TAF10: variants seen among roughly 807,000 people sequenced by gnomAD.
TAF10 encodes the protein TATA-box binding protein associated factor 10, also known as transcription initiation factor TFIID subunit 10.
In TAF10, 2 loss-of-function variants were observed where a neutral mutation model predicts 18.1. The ratio of observed to expected loss-of-function variants is 0.11; its 90% CI spans 0.05 to 0.35. The LOEUF (loss-of-function observed/expected upper bound fraction) is 0.35, where lower values mean the gene tolerates loss of function less well. TAF10 is among the 10% of genes least tolerant of loss of function. The pLI, the probability that TAF10 is intolerant of heterozygous loss-of-function variation, is 1.00. For synonymous variants in TAF10, 158 were observed against 134.6 expected, an observed-to-expected ratio of 1.17 and a Z score of -1.20; for missense variants, 293 against 306.9, an observed-to-expected ratio of 0.95 and a Z score of 0.34.
chr11:6,611,134 T>G (rs1378342140), intron 4 of TAF10, 55 bp downstream of exon 4: 1 of 1,595,880 alleles, frequency 6.3e-7, no homozygotes, highest in African/African-American at 1.3e-5. Context: ...GGTGGCAGGA[T>G]AAGCCTCCAC....
In TAF10 at chr11:6,610,649, G is replaced by A; in HGVS notation, c.*273C>T. Reference sequence around the variant, plus strand: ...CTTGCCTGAACTCCAGAGGTGTCGGGACATGGTTGGGGGAATGCACCTCCC... The same window carrying A: ...CTTGCCTGAACTCCAGAGGTGTCGGAACATGGTTGGGGGAATGCACCTCCC... On this transcript the variant is annotated 3_prime_UTR_variant, in exon 5 of 5. Coordinates refer to ENST00000299424, the MANE Select transcript of TAF10 (RefSeq NM_006284.4). 6.2e-7 allele frequency: 1 copy of A among 1,613,530 alleles called. No homozygotes were observed. Among genetic ancestry groups the A allele is most frequent in the African/African-American group, 1.3e-5 (1 of 75,046 alleles).
chr11:6,609,791 A>G lies in TAF10; in HGVS notation c.*1131T>C, dbSNP rs758354683. ...ACATGGCAAGGGGCATGGCCTTCCTACACACACTAGAGCCCCTCATCCCAC... is the reference window on the plus strand; with the variant it reads ...ACATGGCAAGGGGCATGGCCTTCCTGCACACACTAGAGCCCCTCATCCCAC... On this transcript the variant is annotated 3_prime_UTR_variant, in exon 5 of 5. Coordinates refer to ENST00000299424, the MANE Select transcript of TAF10 (RefSeq NM_006284.4). The G allele has an allele frequency of 1.4e-5, 23 of 1,613,998 alleles. 2 individuals are homozygous for G. In the South Asian group the frequency reaches 2.4e-4, roughly 17 times the overall value.
chr11:6,608,781 C>T lies in TAF10; in HGVS notation c.*2141G>A, dbSNP rs753415741. The T allele has an allele frequency of 3.7e-6, 6 of 1,613,636 alleles. No individual in the cohort carries two copies. Among genetic ancestry groups the T allele is most frequent in the East Asian group, 4.5e-5 (2 of 44,890 alleles). On this transcript the variant is annotated 3_prime_UTR_variant, in exon 5 of 5. Transcript: ENST00000299424. The surrounding 1 kb of genome is among the most constrained non-coding windows in gnomAD (Gnocchi z 4.9). ...CAAAGCCAAGGCACCCCTGAGAGAG[C>T]TTCTCCGAGGTCCATCTCCCCATCC...
chr11:6,611,428 A>G lies in TAF10; in HGVS notation c.412T>C (p.Tyr138His). ...GCCTCAAAGCCAGCACGGTTCAGGT[A>G]GTAACCAGTCACTGCATCTGGGATC... ...PTIPDAVTGY[Y>H]LNRAGFEASD... Residue 138 changes from tyrosine to histidine, a missense_variant, in exon 3 of 5, where the codon TAC (tyrosine) becomes CAC (histidine). Tyr to His is a moderately conservative substitution (Grantham distance 83). Coordinates refer to ENST00000299424, the MANE Select transcript of TAF10 (RefSeq NM_006284.4). 1 of 1,614,226 alleles carries G rather than the reference A, an allele frequency of 6.2e-7. No individual in the cohort carries two copies. The highest frequency in any genetic ancestry group is 8.5e-7 in the Non-Finnish European group (1 of 1,180,038).
chr11:6,608,412 G>A lies in TAF10; in HGVS notation c.*2510C>T, dbSNP rs755641968. ...GGTCCAGCTATTGCAGTACAAGGCA[G>A]ACATCAATGCAGTGAATGAACACGG... On this transcript the variant is annotated 3_prime_UTR_variant, in exon 5 of 5. Transcript: ENST00000299424. The surrounding 1 kb of genome is among the most constrained non-coding windows in gnomAD (Gnocchi z 4.9). The A allele has an allele frequency of 1.2e-6, 2 of 1,614,156 alleles. No homozygotes were observed. The highest frequency in any genetic ancestry group is 1.7e-6 in the Non-Finnish European group (2 of 1,179,970).
chr11:6,610,883 G>C lies in TAF10; in HGVS notation c.*39C>G, dbSNP rs753093391. On this transcript the variant is annotated 3_prime_UTR_variant, in exon 5 of 5. Coordinates refer to ENST00000299424, the MANE Select transcript of TAF10 (RefSeq NM_006284.4). ...TTTATTATGAAAACAGGCTGGTGTG[G>C]GGACATGGGGACAGATAAGTACATT... is the stretch of plus-strand genomic sequence containing the variant. The C allele has an allele frequency of 1.2e-6, 2 of 1,603,290 alleles. No homozygotes were observed. Among genetic ancestry groups the C allele is most frequent in the South Asian group, 2.2e-5 (2 of 90,808 alleles).
Position 6,611,407 on chromosome 11 carries a change from C to T in TAF10, c.433G>A (p.Glu145Lys). 1 of 1,614,160 alleles carries T rather than the reference C, an allele frequency of 6.2e-7. No homozygotes were observed. The highest frequency in any genetic ancestry group is 8.5e-7 in the Non-Finnish European group (1 of 1,180,032). ...ACTCACATGCGTGGGTCTGAGGCCT[C>T]AAAGCCAGCACGGTTCAGGTAGTAA... Reference protein sequence around the residue: ...TGYYLNRAGFEASDPRIIRLI... With the variant: ...TGYYLNRAGFKASDPRIIRLI... Residue 145 changes from glutamate (E) to lysine (K), a missense_variant, in exon 3 of 5, where the codon GAG (glutamate) becomes AAG (lysine). Physicochemically the swap from Glu to Lys is moderately conservative, Grantham distance 56. Transcript: ENST00000299424.
chr11:6,608,161 A>T lies in TAF10; in HGVS notation c.*2761T>A, dbSNP rs773109315. 2 of 1,613,560 alleles carry T rather than the reference A, an allele frequency of 1.2e-6. No homozygotes were observed. Among genetic ancestry groups the T allele is most frequent in the Admixed American group, 1.7e-5 (1 of 59,962 alleles). On this transcript the variant is annotated 3_prime_UTR_variant, in exon 5 of 5. Transcript: ENST00000299424. This position sits in a 1 kb window ranked among gnomAD's most constrained non-coding sequence, Gnocchi z 4.9. ...CAATGTAATGAACCGTGGGGATGAC[A>T]CCCCCCTGCATCTGGCAGCCAGTCA...
In TAF10 at chr11:6,608,883, G is replaced by C; in HGVS notation, c.*2039C>G. The C allele has an allele frequency of 6.2e-7, 1 of 1,614,154 alleles. No individual in the cohort carries two copies. On this transcript the variant is annotated 3_prime_UTR_variant, in exon 5 of 5. Coordinates refer to ENST00000299424, the MANE Select transcript of TAF10 (RefSeq NM_006284.4). The surrounding 1 kb of genome is among the most constrained non-coding windows in gnomAD (Gnocchi z 4.9). The stretch of plus-strand genomic sequence containing the variant: ...CAGCTTAGGTTGTTTTTCTTCCCTA[G>C]AGCGGGCAGAGAAGATGGGCCAGAA...
chr11:6,610,335 A>G lies in TAF10; in HGVS notation c.*587T>C. ...GGGAGTGGTTGGTGATGGTGAAAAT[A>G]ACTGTAGTGGGCCTTGGCTCCTCAC... is the stretch of plus-strand genomic sequence containing the variant. On this transcript the variant is annotated 3_prime_UTR_variant, in exon 5 of 5. Transcript: ENST00000299424. 1 of 1,613,766 alleles carries G rather than the reference A, an allele frequency of 6.2e-7. No individual in the cohort carries two copies. Among genetic ancestry groups the G allele is most frequent in the Non-Finnish European group, 8.5e-7 (1 of 1,179,888 alleles).
rs557435914 is a variant in TAF10, at chr11:6,608,524, G to C, written c.*2398C>G. The stretch of plus-strand genomic sequence containing the variant: ...CAGCCCTTAATTCCTGAGATGGGTA[G>C]GAAGTAAAGTCTGAGCCTTGGTGGG... On this transcript the variant is annotated 3_prime_UTR_variant, in exon 5 of 5. Coordinates refer to ENST00000299424, the MANE Select transcript of TAF10 (RefSeq NM_006284.4). The surrounding 1 kb of genome is among the most constrained non-coding windows in gnomAD (Gnocchi z 4.9). The C allele has an allele frequency of 1.3e-6, 2 of 1,558,038 alleles. No homozygotes were observed. Among genetic ancestry groups the C allele is most frequent in the African/African-American group, 2.7e-5 (2 of 73,858 alleles).
Position 6,608,283 on chromosome 11 carries a change from C to G in TAF10, c.*2639G>C, listed in dbSNP as rs1589935340. 6.3e-7 allele frequency: 1 copy of G among 1,580,394 alleles called. No individual in the cohort carries two copies. Among genetic ancestry groups the G allele is most frequent in the Non-Finnish European group, 8.7e-7 (1 of 1,149,248 alleles). On this transcript the variant is annotated 3_prime_UTR_variant, in exon 5 of 5. Transcript: ENST00000299424. The surrounding 1 kb of genome is among the most constrained non-coding windows in gnomAD (Gnocchi z 4.9). ...GGTCAGTCACAGGCACTGTAACATA[C>G]AGTAGAAAGCATGTGTGCTCTTCCC... is the stretch of plus-strand genomic sequence containing the variant.
At position 6,608,383 on chromosome 11, in the gene TAF10, AT is replaced by A; in HGVS notation, c.*2538del. On this transcript the variant is annotated 3_prime_UTR_variant, in exon 5 of 5. Transcript: ENST00000299424. The surrounding 1 kb of genome is among the most constrained non-coding windows in gnomAD (Gnocchi z 4.9). The stretch of plus-strand genomic sequence containing the variant: ...TTCTGCCTCTTCTTTTTGTCTGGCC[AT>A]GGGGTCCAGCTATTGCAGTACAAGG... 2 of 1,612,962 alleles carry A rather than the reference AT, an allele frequency of 1.2e-6. No homozygotes were observed. Among genetic ancestry groups the A allele is most frequent in the Non-Finnish European group, 1.7e-6 (2 of 1,178,952 alleles).
At position 6,610,180 on chromosome 11, in the gene TAF10, C is replaced by T. The variant is rs759330457; in HGVS notation, c.*742G>A. The stretch of plus-strand genomic sequence containing the variant: ...GAAGAAGCCTGAAGACACAAACAGA[C>T]GCTCAGCAGACATGTGGAGTTTTGC... On this transcript the variant is annotated 3_prime_UTR_variant, in exon 5 of 5. Coordinates refer to ENST00000299424, the MANE Select transcript of TAF10 (RefSeq NM_006284.4). 6 of 1,614,214 alleles carry T rather than the reference C, an allele frequency of 3.7e-6. No homozygotes were observed. The highest frequency in any genetic ancestry group is 2.2e-5 in the East Asian group (1 of 44,880).
In TAF10 at chr11:6,611,020, A is replaced by G; in HGVS notation, c.568-9T>C. The G allele has an allele frequency of 6.2e-7, 1 of 1,613,856 alleles. No homozygotes were observed. On this transcript the variant is annotated splice_polypyrimidine_tract_variant and intron_variant, in intron 4 of 4. Transcript: ENST00000299424. ...AGAGTGTACTTGCGGTCCTGAGGGAAGAGGGAAGAGCACCAACTGAGCACA... is the reference window on the plus strand; with the variant it reads ...AGAGTGTACTTGCGGTCCTGAGGGAGGAGGGAAGAGCACCAACTGAGCACA...
chr11:6,608,067 C>T lies in TAF10; in HGVS notation c.*2855G>A, dbSNP rs1444626441. 4.3e-6 allele frequency: 7 copies of T among 1,614,036 alleles called. No individual in the cohort carries two copies. Among genetic ancestry groups the T allele is most frequent in the African/African-American group, 2.7e-5 (2 of 74,926 alleles). ...AAAGGGACGATCATGGCTTCTCCCC[C>T]TTGCACTGGGCCTGCCGAGAGGGCC... On this transcript the variant is annotated 3_prime_UTR_variant, in exon 5 of 5. Transcript: ENST00000299424. This position sits in a 1 kb window ranked among gnomAD's most constrained non-coding sequence, Gnocchi z 4.9.
In TAF10 at chr11:6,607,917, G is replaced by C; in HGVS notation, c.*3005C>G. On this transcript the variant is annotated 3_prime_UTR_variant, in exon 5 of 5. Coordinates refer to ENST00000299424, the MANE Select transcript of TAF10 (RefSeq NM_006284.4). ...AAATGGACAGCTTTGGGAGTTGCTG[G>C]CATGAATGAGAATCAAAGTCCTAGA... The C allele has an allele frequency of 1.1e-6, 1 of 943,708 alleles. No individual in the cohort carries two copies. Among genetic ancestry groups the C allele is most frequent in the Non-Finnish European group, 1.6e-6 (1 of 610,170 alleles). 58.5% of individuals were successfully genotyped at this position (943,708 alleles called of 1,614,324 possible).
chr11:6,611,314 A>G lies in TAF10; in HGVS notation c.453-11T>C, dbSNP rs764584241. 1.7e-5 allele frequency: 28 copies of G among 1,613,956 alleles called. No individual in the cohort carries two copies. The highest frequency in any genetic ancestry group is 8.5e-7 in the Non-Finnish European group (1 of 1,180,010). On this transcript the variant is annotated splice_polypyrimidine_tract_variant and intron_variant, in intron 3 of 4. Coordinates refer to ENST00000299424, the MANE Select transcript of TAF10 (RefSeq NM_006284.4). Reference sequence around the variant, plus strand: ...GAGATGAGCCGAATTCTAGAGAGAAAAAACTTAGATGAGAAGGAGATGGAC... The same window carrying G: ...GAGATGAGCCGAATTCTAGAGAGAAGAAACTTAGATGAGAAGGAGATGGAC...
rs1855481978 is a variant in TAF10, at chr11:6,612,102, G to T, written c.88C>A (p.Pro30Thr). 2.4e-6 allele frequency: 3 copies of T among 1,225,342 alleles called. No homozygotes were observed. The highest frequency in any genetic ancestry group is 3.0e-6 in the Non-Finnish European group (3 of 984,156). The allele number at this position is 1,225,342 out of a possible 1,614,324, so 75.9% of individuals were successfully genotyped here. A position where few individuals can be genotyped will look rare whatever the true frequency, so the allele number is the denominator to read the frequency against. Residue 30 changes from proline to threonine, a missense_variant, in exon 1 of 5, where the codon CCC (proline) becomes ACC (threonine). Transcript: ENST00000299424. ...APGPAPPVSA[P>T]AALPSSTAAE... ...GCGGTGCTGGAGGGCAGCGCGGCGG[G>T]AGCCGAGACCGGGGGCGCGGGGCCC...
Sources: allele counts gnomAD v4.1 joint callset, GRCh38; gene constraint gnomAD v4.1.1; non-coding constraint Gnocchi (gnomAD v3.1); transcripts MANE v1.5; gene names NCBI Gene and HGNC (gene_info 2026-07-23, HGNC 2026-07-21).